LPGAT1: variants seen among roughly 807,000 people sequenced by gnomAD.
The protein encoded by LPGAT1 is lysophosphatidylglycerol acyltransferase 1, also known as acyl-CoA:lysophosphatidylglycerol acyltransferase 1.
In LPGAT1, 11 loss-of-function variants were observed where a neutral mutation model predicts 47.5. That is an observed-to-expected ratio of 0.23 (90% CI 0.15 to 0.38). LPGAT1 has a LOEUF of 0.38. LPGAT1 is among the 10% of genes least tolerant of loss of function. The pLI is 1.00. For missense variants in LPGAT1, 293 were observed against 439.0 expected, an observed-to-expected ratio of 0.67 and a Z score of 2.97; for synonymous variants, 138 against 144.2, an observed-to-expected ratio of 0.96 and a Z score of 0.31.
chr1:211,801,152 A>G lies in LPGAT1; in HGVS notation c.239-7962T>C, dbSNP rs1222801055. ...GCAGATGTGTGAAGGGCTCTATGTT[A>G]TCCCCACTTCCAGCTTGAAACAAGG... On this transcript the variant is annotated intron_variant, in intron 2 of 7. Transcript: ENST00000366997. Among the ~76,000 whole-genome samples, 2 of 152,214 alleles carry G rather than the reference A, an allele frequency of 1.3e-5. 1 individual carries two copies. The highest frequency in any genetic ancestry group is 2.9e-5 in the Non-Finnish European group (2 of 68,034).
intron 2 of LPGAT1, among the ~76,000 whole-genome samples, chr1:211,819,712 C>T (rs528178387): frequency 5.8e-4 from 88 of 152,240 alleles, no homozygotes; most frequent in African/African-American, 2.0e-3. Flanking sequence ...TTGCCGCGCA[C>T]GGTGGCTCAC....
At chr1:211,795,390 G>A (rs1370037567) in intron 2 of LPGAT1, among the ~76,000 whole-genome samples, 6 of 151,998 alleles carry the variant, frequency 3.9e-5, no homozygotes, top group African/African-American at 9.7e-5. Flanking sequence ...TTTTTGAGAC[G>A]GAGTTTCGCT....
At chr1:211,829,587 C>G in intron 1 of LPGAT1, 1 of 1,257,116 alleles carries the variant, frequency 8.0e-7, no homozygotes. Flanking sequence ...AATTCCCATT[C>G]AGTAATCGGT....
At chr1:211,816,399 TTAGAA>T (rs765446735) in intron 2 of LPGAT1, among the ~76,000 whole-genome samples, 6 of 152,204 alleles carry the variant, frequency 3.9e-5, no homozygotes, top group Non-Finnish European at 8.8e-5. Context: ...AATTTTTGCA[TTAGAA>T]TAGGTGACTG....
chr1:211,768,369 T>TA (rs1658027005), intron 6 of LPGAT1, among the ~76,000 whole-genome samples: 1 of 152,190 alleles, frequency 6.6e-6, no homozygotes, highest in South Asian at 2.1e-4. Flanking sequence ...ATGCATATTG[T>TA]AAAAAACACT....
At position 211,743,813 on chromosome 1, in the gene LPGAT1, T is replaced by C. The variant is rs1264007467; in HGVS notation, c.*6086A>G. The C allele has an allele frequency of 1.3e-5, 2 of 152,092 alleles. No individual in the cohort carries two copies. Among genetic ancestry groups the C allele is most frequent in the Non-Finnish European group, 2.9e-5 (2 of 68,020 alleles). The allele number at this position is 152,092 out of a possible 1,614,324, so 9.4% of individuals were successfully genotyped here. ...ACCAAAACAGCAGCCTAAATACAGATAGAAAAATAAGAGGTAGACACGACT... is the reference window on the plus strand; with the variant it reads ...ACCAAAACAGCAGCCTAAATACAGACAGAAAAATAAGAGGTAGACACGACT... On this transcript the variant is annotated 3_prime_UTR_variant, in exon 8 of 8. Transcript: ENST00000366997.
chr1:211,759,190 G>A (rs7524009), intron 6 of LPGAT1, among the ~76,000 whole-genome samples: 42,628 of 152,050 alleles, frequency 0.28, 7,708 homozygotes, highest in Non-Finnish European at 0.41. Flanking sequence ...ATGCTATCCC[G>A]ATAAAACAAG....
At chr1:211,781,670 C>A (rs1051910206) in intron 5 of LPGAT1, among the ~76,000 whole-genome samples, 1 of 152,028 alleles carries the variant, frequency 6.6e-6, no homozygotes, top group African/African-American at 2.4e-5. Flanking sequence ...TTTCTGAGGG[C>A]CAATCATTTC....
chr1:211,796,747 A>G (rs1228587522), intron 2 of LPGAT1, among the ~76,000 whole-genome samples: 2 of 152,172 alleles, frequency 1.3e-5, no homozygotes, highest in Non-Finnish European at 1.5e-5. Context: ...GAATTGCATT[A>G]TCTTTTAATA....
intron 2 of LPGAT1, chr1:211,803,230 AC>A (rs1464368782): frequency 6.6e-6 from 1 of 152,246 alleles, no homozygotes; most frequent in Admixed American, 6.5e-5. Context: ...TGAAAAATTA[AC>A]CTCTTGCTCT....
At chr1:211,766,854 T>C (rs1351117119) in intron 6 of LPGAT1, among the ~76,000 whole-genome samples, 1 of 152,242 alleles carries the variant, frequency 6.6e-6, no homozygotes, top group Non-Finnish European at 1.5e-5. Context: ...TTAACTACCT[T>C]AAGTCAGGGA....
In LPGAT1 at chr1:211,749,753, T is replaced by A. The variant is rs1399145189; in HGVS notation, c.*146A>T. Reference sequence around the variant, plus strand: ...CCTCATTTTAGTAGATTTTAAAATATCCCAAAGGGGGATAAATATTAATCC... The same window carrying A: ...CCTCATTTTAGTAGATTTTAAAATAACCCAAAGGGGGATAAATATTAATCC... On this transcript the variant is annotated 3_prime_UTR_variant, in exon 8 of 8. Coordinates refer to ENST00000366997, the MANE Select transcript of LPGAT1 (RefSeq NM_014873.3). 1.2e-6 allele frequency: 1 copy of A among 803,778 alleles called. No individual in the cohort carries two copies. The highest frequency in any genetic ancestry group is 2.0e-6 in the Non-Finnish European group (1 of 489,330). The allele number at this position is 803,778 out of a possible 1,614,324, so 49.8% of individuals were successfully genotyped here. A position where few individuals can be genotyped will look rare whatever the true frequency, so the allele number is the denominator to read the frequency against.
intron 6 of LPGAT1, among the ~76,000 whole-genome samples, chr1:211,759,561 A>C (rs1657604772): frequency 6.6e-6 from 1 of 152,048 alleles, no homozygotes; most frequent in South Asian, 2.1e-4. Flanking sequence ...CTGTAATTGG[A>C]TTTAATTTGC....
chr1:211,785,043 T>A (rs1658818896), intron 4 of LPGAT1, among the ~76,000 whole-genome samples: 1 of 152,158 alleles, frequency 6.6e-6, no homozygotes, highest in Admixed American at 6.5e-5. Flanking sequence ...GACCTTGTGA[T>A]CTGCCCCCCT....
chr1:211,804,433 T>C (rs1342632328), intron 2 of LPGAT1, among the ~76,000 whole-genome samples: 5 of 152,164 alleles, frequency 3.3e-5, no homozygotes, highest in African/African-American at 1.2e-4. Flanking sequence ...ACATTCATTG[T>C]AGTAAATCAG....
chr1:211,778,800 A>G, intron 6 of LPGAT1, 118 bp downstream of exon 6: 1 of 741,450 alleles, frequency 1.3e-6, no homozygotes, highest in Non-Finnish European at 2.0e-6. Context: ...ATGCAGCATA[A>G]GAATGAACTT....
chr1:211,805,494 C>T (rs75658456), intron 2 of LPGAT1, among the ~76,000 whole-genome samples: 10,470 of 152,158 alleles, frequency 0.069, 419 homozygotes, highest in Non-Finnish European at 0.087. Flanking sequence ...TAAGTAGAAC[C>T]ATGAAAAGTC....
rs543117803 is a variant in LPGAT1, at chr1:211,805,803, T to C, written c.239-12613A>G. ...GCTTTCAAGTTTATAAGGCCAGTAT[T>C]GCCCAGATACCAAAACCAGAAAAAG... is the stretch of plus-strand genomic sequence containing the variant. On this transcript the variant is annotated intron_variant, in intron 2 of 7. Transcript: ENST00000366997. Among the ~76,000 whole-genome samples the C allele has an allele frequency of 9.9e-5, 15 of 152,274 alleles. No homozygotes were observed. In the South Asian group the frequency reaches 3.1e-3, roughly 32 times the overall value.
intron 2 of LPGAT1, among the ~76,000 whole-genome samples, chr1:211,793,515 C>A (rs926883660): frequency 2.0e-5 from 3 of 151,838 alleles, no homozygotes; most frequent in African/African-American, 7.3e-5. Flanking sequence ...TCACTGCAAC[C>A]TCTACCTCCC....
Sources: allele counts gnomAD v4.1 joint callset (sites outside exome capture counted in the v4.1 genomes callset), GRCh38; gene constraint gnomAD v4.1.1; transcripts MANE v1.5; gene names NCBI Gene and HGNC (gene_info 2026-07-23, HGNC 2026-07-21).